FSTL5: variants seen among roughly 807,000 people sequenced by gnomAD.
The protein encoded by FSTL5 is follistatin-related protein 5.
FSTL5 carries 62 observed loss-of-function variants against 89.1 expected under a neutral mutation model. That is an observed-to-expected ratio of 0.70 (90% confidence interval 0.57 to 0.86). FSTL5 has a LOEUF of 0.86. Ranked by LOEUF, FSTL5 falls within the 40% of genes least tolerant of loss-of-function variation. FSTL5 has a pLI of 0.00. For missense variants in FSTL5, 1,057 were observed against 1,001.6 expected, an observed-to-expected ratio of 1.06 and a Z score of -0.75; for synonymous variants, 383 against 346.2, an observed-to-expected ratio of 1.11 and a Z score of -1.18.
At chr4:161,639,723 C>T (rs1735878663) in intron 7 of FSTL5, among the ~76,000 whole-genome samples, 1 of 152,132 alleles carries the variant, frequency 6.6e-6, no homozygotes, top group Non-Finnish European at 1.5e-5. Flanking sequence ...CCCTGGCAGG[C>T]AGCTGAACAT....
At chr4:161,999,174 CATTGA>C (rs1333390410) in intron 3 of FSTL5, among the ~76,000 whole-genome samples, 1 of 152,024 alleles carries the variant, frequency 6.6e-6, no homozygotes, top group Non-Finnish European at 1.5e-5. Flanking sequence ...TTTATTTCCA[CATTGA>C]AAGGAATATG....
chr4:161,805,857 T>A (rs1234698263), intron 4 of FSTL5, among the ~76,000 whole-genome samples: 1 of 152,098 alleles, frequency 6.6e-6, no homozygotes, highest in Non-Finnish European at 1.5e-5. Flanking sequence ...ATGGTTTTGG[T>A]TACCCATGGT....
chr4:162,093,773 C>T (rs951011008), intron 2 of FSTL5, among the ~76,000 whole-genome samples: 1 of 152,090 alleles, frequency 6.6e-6, no homozygotes, highest in African/African-American at 2.4e-5. Flanking sequence ...GGCAAATTTA[C>T]AATCGAATAA....
At chr4:161,605,376 A>C (rs766305946) in intron 7 of FSTL5, among the ~76,000 whole-genome samples, 5 of 152,196 alleles carry the variant, frequency 3.3e-5, no homozygotes, top group Non-Finnish European at 5.9e-5. Context: ...AATTACATAT[A>C]ATTTTATTTC....
chr4:161,533,174 A>G (rs1210211965), intron 10 of FSTL5, among the ~76,000 whole-genome samples: 1 of 151,922 alleles, frequency 6.6e-6, no homozygotes, highest in Admixed American at 6.6e-5. Flanking sequence ...CTAGGAAAAA[A>G]AAAAAAAAGG....
chr4:161,571,372 A>T (rs1222929125), intron 8 of FSTL5, among the ~76,000 whole-genome samples: 2 of 152,110 alleles, frequency 1.3e-5, no homozygotes, highest in Non-Finnish European at 2.9e-5. Context: ...AATACATGGG[A>T]ACAAAAATGT....
At chr4:161,895,333 A>G (rs1233907300) in intron 4 of FSTL5, among the ~76,000 whole-genome samples, 3 of 152,332 alleles carry the variant, frequency 2.0e-5, no homozygotes, top group Admixed American at 6.5e-5. Context: ...AAAAATGCAA[A>G]TGTCCTTTTT....
chr4:161,552,494 A>T (rs894876087), intron 8 of FSTL5: 2 of 151,746 alleles, frequency 1.3e-5, no homozygotes, highest in Admixed American at 1.3e-4. Context: ...TTACATGGTC[A>T]CTGATACTCC....
intron 3 of FSTL5, among the ~76,000 whole-genome samples, chr4:161,938,381 A>G (rs1479587911): frequency 6.6e-6 from 1 of 152,104 alleles, no homozygotes; most frequent in Admixed American, 6.6e-5. Flanking sequence ...AAATTTCACT[A>G]AAATTTAAAA....
At chr4:161,397,276 G>A (rs1056975408) in intron 15 of FSTL5, among the ~76,000 whole-genome samples, 1 of 151,636 alleles carries the variant, frequency 6.6e-6, no homozygotes, top group Admixed American at 6.6e-5. Flanking sequence ...CTATATACAC[G>A]CACATACATA....
intron 13 of FSTL5, among the ~76,000 whole-genome samples, chr4:161,476,266 C>A (rs962815452): frequency 1.4e-5 from 2 of 147,022 alleles, no homozygotes; most frequent in African/African-American, 5.1e-5. Flanking sequence ...CAGCTCACCG[C>A]AGGCTCTGCC....
intron 15 of FSTL5, chr4:161,387,826 C>T (rs1001196044): frequency 1.3e-5 from 2 of 151,928 alleles, no homozygotes; most frequent in Non-Finnish European, 2.9e-5. Context: ...ATAATTTTAG[C>T]TACATTTAAA....
intron 8 of FSTL5, among the ~76,000 whole-genome samples, chr4:161,572,490 C>T (rs758298606): frequency 9.9e-5 from 15 of 151,988 alleles, no homozygotes; most frequent in Non-Finnish European, 1.8e-4. Flanking sequence ...TCCAAACAGA[C>T]ACAGAAGACT....
At chr4:161,628,667 T>C (rs547366089) in intron 7 of FSTL5, among the ~76,000 whole-genome samples, 1 of 152,322 alleles carries the variant, frequency 6.6e-6, no homozygotes, top group South Asian at 2.1e-4. Flanking sequence ...TAGGTTTGAA[T>C]TTTACAATGC....
intron 6 of FSTL5, among the ~76,000 whole-genome samples, chr4:161,707,727 G>A (rs920378248): frequency 2.0e-5 from 3 of 151,672 alleles, no homozygotes; most frequent in Non-Finnish European, 4.4e-5. Flanking sequence ...GTTACAAAAT[G>A]GTAAACAATC....
chr4:161,921,230 T>A (rs1167875214), intron 3 of FSTL5, among the ~76,000 whole-genome samples: 1 of 152,192 alleles, frequency 6.6e-6, no homozygotes, highest in African/African-American at 2.4e-5. Context: ...TCTTGAAAAC[T>A]TTGATACATG....
At chr4:161,833,702 AC>A (rs1461423208) in intron 4 of FSTL5, among the ~76,000 whole-genome samples, 1 of 151,812 alleles carries the variant, frequency 6.6e-6, no homozygotes, top group Non-Finnish European at 1.5e-5. Flanking sequence ...TAGGATTGCA[AC>A]CCCTGCCTTT....
chr4:161,948,456 T>C (rs1418966351), intron 3 of FSTL5, among the ~76,000 whole-genome samples: 1 of 150,242 alleles, frequency 6.7e-6, no homozygotes, highest in Admixed American at 6.6e-5. Flanking sequence ...CTTTGAATTC[T>C]ACATGAACGG....
intron 13 of FSTL5, among the ~76,000 whole-genome samples, chr4:161,468,879 A>G (rs749416979): frequency 3.3e-5 from 5 of 151,892 alleles, no homozygotes; most frequent in Non-Finnish European, 7.4e-5. Context: ...AAATTTCCAG[A>G]TTTATCTATT....
Sources: gnomAD v4.1 joint callset for allele counts (sites outside exome capture counted in the v4.1 genomes callset) on GRCh38, gnomAD v4.1.1 for gene constraint, MANE v1.5 for transcripts, NCBI Gene and HGNC (gene_info 2026-07-23, HGNC 2026-07-21) for gene names.